Variants in CWC27 observed in about 807,000 individuals in gnomAD.
The protein encoded by CWC27 is CWC27 spliceosome associated cyclophilin.
CWC27 carries 47 observed loss-of-function variants against 63.6 expected under a neutral mutation model. That is an observed-to-expected ratio of 0.74 (90% confidence interval 0.58 to 0.94). The LOEUF (loss-of-function observed/expected upper bound fraction) is 0.94. CWC27 is among the 40% of genes least tolerant of loss of function. CWC27 has a pLI of 0.00. For missense variants in CWC27, 495 were observed against 554.3 expected (o/e 0.89, Z 1.07); for synonymous variants, 175 against 179.8 (o/e 0.97, Z 0.22).
At chr5:64,957,264 T>C (rs1748819820) in intron 11 of CWC27, among the ~76,000 whole-genome samples, 1 of 152,224 alleles carries the variant, frequency 6.6e-6, no homozygotes, top group Non-Finnish European at 1.5e-5. Context: ...GCTTCATAAA[T>C]TCTTTTTATC....
At chr5:64,835,166 A>C (rs1044975943) in intron 10 of CWC27, among the ~76,000 whole-genome samples, 3 of 151,836 alleles carry the variant, frequency 2.0e-5, no homozygotes, top group African/African-American at 7.2e-5. Context: ...GACTGAAGAA[A>C]GTTTTCTAAC....
intron 7 of CWC27, among the ~76,000 whole-genome samples, chr5:64,789,590 G>T (rs2112179886): frequency 6.6e-6 from 1 of 152,176 alleles, no homozygotes; most frequent in South Asian, 2.1e-4. Context: ...CTTGAATTAT[G>T]CAGTGCCTCC....
At chr5:64,782,851 T>G (rs761145642) in intron 3 of CWC27, among the ~76,000 whole-genome samples, 4 of 152,198 alleles carry the variant, frequency 2.6e-5, no homozygotes, top group Non-Finnish European at 4.4e-5. Context: ...ATTTTAAAAG[T>G]CTCAGATGTC....
At chr5:64,998,744 T>A (rs1241312189) in intron 13 of CWC27, among the ~76,000 whole-genome samples, 2 of 152,120 alleles carry the variant, frequency 1.3e-5, no homozygotes, top group African/African-American at 4.8e-5. Context: ...CAAAAGTCAG[T>A]TTCCATTTTC....
intron 9 of CWC27, 50 bp downstream of exon 9, chr5:64,801,382 A>G (rs1225767709): frequency 4.0e-6 from 5 of 1,236,386 alleles, no homozygotes; most frequent in Non-Finnish European, 5.3e-6. Context: ...CATAGAAAGT[A>G]CAAAATTTTT....
intron 10 of CWC27, among the ~76,000 whole-genome samples, chr5:64,806,084 C>A (rs1261482047): frequency 7.8e-6 from 1 of 128,296 alleles, no homozygotes; most frequent in African/African-American, 3.4e-5. Flanking sequence ...ATACCATAGA[C>A]TGGATGACTT....
intron 11 of CWC27, among the ~76,000 whole-genome samples, chr5:64,920,122 T>C (rs1747968973): frequency 1.3e-5 from 2 of 151,268 alleles, no homozygotes; most frequent in South Asian, 4.1e-4. Flanking sequence ...CCCGCCATCA[T>C]GCCCAGCTAA....
intron 10 of CWC27, among the ~76,000 whole-genome samples, chr5:64,817,781 TATTTA>T (rs1215790616): frequency 6.6e-6 from 1 of 152,164 alleles, no homozygotes; most frequent in African/African-American, 2.4e-5. Context: ...GAGTCTCAGT[TATTTA>T]ATTTATGTGT....
chr5:64,951,895 AC>A (rs889126612), intron 11 of CWC27, among the ~76,000 whole-genome samples: 17 of 151,956 alleles, frequency 1.1e-4, no homozygotes, highest in African/African-American at 3.9e-4. Context: ...CAGTTGATGC[AC>A]TTCCAAATAT....
chr5:64,835,253 A>G (rs1458341852), intron 10 of CWC27, among the ~76,000 whole-genome samples: 1 of 151,826 alleles, frequency 6.6e-6, no homozygotes, highest in Non-Finnish European at 1.5e-5. Flanking sequence ...TATCAGAATT[A>G]GAAATTTTAG....
At chr5:64,865,147 C>A (rs1746504919) in intron 10 of CWC27, among the ~76,000 whole-genome samples, 1 of 150,076 alleles carries the variant, frequency 6.7e-6, no homozygotes, top group African/African-American at 2.4e-5. Flanking sequence ...CTTGGGGTAA[C>A]AGCAAACATA....
intron 7 of CWC27, 83 bp from the exon 8 acceptor site, chr5:64,800,164 TA>T (rs1459915876): frequency 4.4e-6 from 4 of 917,048 alleles, no homozygotes; most frequent in Non-Finnish European, 5.2e-6. Flanking sequence ...ATATCATTGC[TA>T]GGTTTTATGT....
intron 13 of CWC27, among the ~76,000 whole-genome samples, chr5:64,992,015 G>A (rs185428917): frequency 8.6e-5 from 13 of 151,994 alleles, no homozygotes; most frequent in African/African-American, 2.9e-4. Flanking sequence ...TATCCTTTTC[G>A]TGCTTTTTCA....
chr5:64,940,732 C>G (rs191261219), intron 11 of CWC27, among the ~76,000 whole-genome samples: 40 of 152,030 alleles, frequency 2.6e-4, no homozygotes, highest in Admixed American at 2.5e-3. Flanking sequence ...TTTTATGAGT[C>G]ACAGTCTGCT....
chr5:64,859,223 T>A (rs1203786640), intron 10 of CWC27, among the ~76,000 whole-genome samples: 2 of 152,108 alleles, frequency 1.3e-5, no homozygotes, highest in East Asian at 3.8e-4. Context: ...TAATCTATGA[T>A]GATAGAAAGC....
intron 13 of CWC27, among the ~76,000 whole-genome samples, chr5:65,017,869 T>C (rs1235415561): frequency 6.6e-6 from 1 of 152,252 alleles, no homozygotes; most frequent in East Asian, 1.9e-4. Flanking sequence ...GGAACACTTC[T>C]GTATAGAACT....
chr5:64,840,379 AAAAAAAAAAAAAAAAATAT>A (rs1181760750), intron 10 of CWC27, among the ~76,000 whole-genome samples: 2 of 70,194 alleles, frequency 2.8e-5, no homozygotes, highest in South Asian at 5.0e-4. Flanking sequence ...AAAAAAAAAA[AAAAAAAAAAAAAAAAATAT>A]ATATATATAT....
chr5:64,949,264 T>C (rs763625463), intron 11 of CWC27, among the ~76,000 whole-genome samples: 4 of 152,044 alleles, frequency 2.6e-5, no homozygotes, highest in African/African-American at 9.7e-5. Context: ...TTAGTGTTTG[T>C]GTATTTTTCA....
chr5:64,870,735 C>T (rs1395983329), intron 10 of CWC27, among the ~76,000 whole-genome samples: 1 of 151,924 alleles, frequency 6.6e-6, no homozygotes, highest in Non-Finnish European at 1.5e-5. Flanking sequence ...TTTATTAAAT[C>T]ATTAAGTCAT....
Sources: allele counts gnomAD v4.1 joint callset (sites outside exome capture counted in the v4.1 genomes callset), GRCh38; gene constraint gnomAD v4.1.1; transcripts MANE v1.5; gene names NCBI Gene and HGNC (gene_info 2026-07-23, HGNC 2026-07-21).